Variants in SLC9A9 observed in about 807,000 individuals in gnomAD.
SLC9A9 encodes the protein sodium/hydrogen exchanger 9.
Under a neutral mutation model 77.8 loss-of-function variants are expected in SLC9A9, and 62 were observed. The ratio of observed to expected loss-of-function variants is 0.80; its 90% CI spans 0.65 to 0.98. SLC9A9 has a LOEUF of 0.98. Ranked by LOEUF, SLC9A9 falls within the 50% of genes least tolerant of loss-of-function variation. The probability of loss-of-function intolerance (pLI) is 0.00; values close to 1 mark genes in which losing one functional copy is unlikely to be tolerated. For synonymous variants in SLC9A9, 320 were observed against 283.5 expected (o/e 1.13, Z -1.29); for missense variants, 775 against 774.9 (o/e 1.00, Z 0.00).
intron 13 of SLC9A9, 48 bp from the exon 14 acceptor site, chr3:143,363,611 T>C: frequency 1.3e-6 from 2 of 1,524,314 alleles, no homozygotes; most frequent in Non-Finnish European, 1.8e-6. Context: ...GTCAAAAAGA[T>C]TTTAATATAA....
intron 6 of SLC9A9, among the ~76,000 whole-genome samples, chr3:143,609,014 C>T (rs1030258411): frequency 3.3e-5 from 5 of 152,082 alleles, no homozygotes; most frequent in South Asian, 4.1e-4. Flanking sequence ...GTCTATGATG[C>T]GACACGGTTC....
intron 4 of SLC9A9, among the ~76,000 whole-genome samples, chr3:143,775,138 T>C (rs1295805147): frequency 1.3e-5 from 2 of 152,178 alleles, no homozygotes; most frequent in East Asian, 3.8e-4. Context: ...AAAGCCTGAA[T>C]ATGCAAGTAT....
intron 6 of SLC9A9, among the ~76,000 whole-genome samples, chr3:143,581,837 G>C (rs748951629): frequency 2.0e-5 from 3 of 152,194 alleles, no homozygotes; most frequent in Non-Finnish European, 4.4e-5. Context: ...TAGGGCAACA[G>C]CACCGTCTCT....
At chr3:143,682,971 G>T (rs1933149669) in intron 5 of SLC9A9, among the ~76,000 whole-genome samples, 1 of 152,044 alleles carries the variant, frequency 6.6e-6, no homozygotes. Context: ...TGCTATTTAA[G>T]GTAATATATT....
intron 4 of SLC9A9, among the ~76,000 whole-genome samples, chr3:143,722,315 T>C (rs1294268345): frequency 6.6e-6 from 1 of 151,338 alleles, no homozygotes; most frequent in Non-Finnish European, 1.5e-5. Context: ...CTACTAAAAA[T>C]ACAAAAAATT....
chr3:143,299,421 A>G (rs573148079), intron 14 of SLC9A9, among the ~76,000 whole-genome samples: 35 of 152,104 alleles, frequency 2.3e-4, no homozygotes, highest in African/African-American at 8.0e-4. Flanking sequence ...AGAGCTTGTT[A>G]AAAAGCTTGT....
At chr3:143,733,686 C>T (rs554082040) in intron 4 of SLC9A9, among the ~76,000 whole-genome samples, 100 of 151,988 alleles carry the variant, frequency 6.6e-4, no homozygotes, top group Middle Eastern at 3.4e-3. Context: ...AGAGGGCTTG[C>T]GGTATACAAA....
intron 13 of SLC9A9, among the ~76,000 whole-genome samples, chr3:143,369,846 G>C (rs1422173703): frequency 1.3e-5 from 2 of 152,182 alleles, no homozygotes; most frequent in African/African-American, 4.8e-5. Context: ...CATGTGCTCT[G>C]AGAAAAGTCA....
rs1085307858 is a variant in SLC9A9 at position 143,266,898 on chromosome 3, A to G, written c.1742T>C (p.Ile581Thr). The change falls in exon 16 of 16, where the codon ATT becomes ACT. Residue 581 changes from isoleucine to threonine, a missense_variant. Ile to Thr is a moderately conservative substitution (Grantham distance 89). Coordinates refer to ENST00000316549, the MANE Select transcript of SLC9A9 (RefSeq NM_173653.4). ...TATGGCTAGTTCATCCTGGTTTACAATGCATTCCACATCATCCTCTTTTAG... is the reference window on the plus strand; with the variant it reads ...TATGGCTAGTTCATCCTGGTTTACAGTGCATTCCACATCATCCTCTTTTAG... ...EQLKEDDVEC[I>T]VNQDELAINY... The G allele has an allele frequency of 1.9e-6, 3 of 1,614,052 alleles. No individual in the cohort carries two copies. The highest frequency in any genetic ancestry group is 1.3e-5 in the African/African-American group (1 of 75,016).
intron 1 of SLC9A9, among the ~76,000 whole-genome samples, chr3:143,839,552 C>T (rs1392620081): frequency 6.6e-6 from 1 of 152,006 alleles, no homozygotes; most frequent in Non-Finnish European, 1.5e-5. Flanking sequence ...CATGCACACA[C>T]ATATAGCACA....
intron 4 of SLC9A9, among the ~76,000 whole-genome samples, chr3:143,781,027 C>T (rs1384066512): frequency 1.3e-5 from 2 of 152,098 alleles, no homozygotes; most frequent in Non-Finnish European, 2.9e-5. Context: ...GAAAATATGT[C>T]CCCATATACT....
rs572746076 is a variant in SLC9A9 at position 143,842,784 on chromosome 3, C to T, written c.175+5364G>A. Among the ~76,000 whole-genome samples, 12 of 152,284 alleles carry T rather than the reference C, an allele frequency of 7.9e-5. No homozygotes were observed. The South Asian group carries it at 2.5e-3, about 32-fold the overall frequency. ...GCAGAAGCAGGAAGTACTAACAGTGCTGAAATAACACTAACTAAAATCTTG... is the reference window on the plus strand; with the variant it reads ...GCAGAAGCAGGAAGTACTAACAGTGTTGAAATAACACTAACTAAAATCTTG... On this transcript the variant is annotated intron_variant, in intron 1 of 15. Transcript: ENST00000316549.
chr3:143,799,087 G>T (rs1024827788), intron 2 of SLC9A9, among the ~76,000 whole-genome samples: 23 of 152,104 alleles, frequency 1.5e-4, no homozygotes, highest in Non-Finnish European at 2.6e-4. Flanking sequence ...CTCTTAAAAA[G>T]GTGGCTGGAG....
intron 12 of SLC9A9, among the ~76,000 whole-genome samples, chr3:143,447,564 C>T (rs879464758): frequency 2.0e-5 from 3 of 152,102 alleles, no homozygotes; most frequent in Admixed American, 6.6e-5. Context: ...AATGGTGTTC[C>T]TGCTAACTTC....
At chr3:143,800,668 C>G (rs2008527041) in intron 2 of SLC9A9, among the ~76,000 whole-genome samples, 1 of 152,204 alleles carries the variant, frequency 6.6e-6, no homozygotes, top group Non-Finnish European at 1.5e-5. Context: ...AGGGACAGCC[C>G]TCATTACTTC....
chr3:143,447,812 T>G (rs2034872607), intron 12 of SLC9A9, among the ~76,000 whole-genome samples: 1 of 152,128 alleles, frequency 6.6e-6, no homozygotes, highest in Non-Finnish European at 1.5e-5. Context: ...AACACGTGCT[T>G]GTATCGACCA....
chr3:143,683,515 T>C (rs1249675042), intron 5 of SLC9A9, among the ~76,000 whole-genome samples: 2 of 152,122 alleles, frequency 1.3e-5, no homozygotes, highest in Admixed American at 6.6e-5. Context: ...TTGTGAAACC[T>C]GTTTGAGTTA....
intron 4 of SLC9A9, among the ~76,000 whole-genome samples, chr3:143,718,298 C>T (rs1203601800): frequency 6.6e-6 from 1 of 152,156 alleles, no homozygotes; most frequent in African/African-American, 2.4e-5. Context: ...TTACATTTTT[C>T]TATTCCTGTT....
chr3:143,333,354 G>A (rs2031831762), intron 14 of SLC9A9, among the ~76,000 whole-genome samples: 1 of 151,344 alleles, frequency 6.6e-6, no homozygotes, highest in African/African-American at 2.4e-5. Context: ...ATGCTCCATG[G>A]CTGCCTAATT....
Sources: allele counts gnomAD v4.1 joint callset (sites outside exome capture counted in the v4.1 genomes callset), GRCh38; gene constraint gnomAD v4.1.1; transcripts MANE v1.5; gene names NCBI Gene and HGNC (gene_info 2026-07-23, HGNC 2026-07-21).